TBCK: variants seen among roughly 807,000 people sequenced by gnomAD.
The protein encoded by TBCK is TBC1 domain containing kinase.
In TBCK, 99 loss-of-function variants were observed where a neutral mutation model predicts 113.4. The ratio of observed to expected loss-of-function variants is 0.87; its 90% CI spans 0.74 to 1.03. The LOEUF (loss-of-function observed/expected upper bound fraction) is 1.03. Among genes scored for constraint, TBCK ranks in the 50% least tolerant of loss-of-function variants. The pLI is 0.00. For missense variants in TBCK, 1,045 were observed against 1,061.3 expected (o/e 0.98, Z 0.21); for synonymous variants, 369 against 370.8 (o/e 1.00, Z 0.05).
intron 3 of TBCK, among the ~76,000 whole-genome samples, chr4:106,284,078 C>A (rs1050057300): frequency 6.6e-6 from 1 of 152,010 alleles, no homozygotes; most frequent in Admixed American, 6.6e-5. Context: ...GAGCATCTTT[C>A]GGTATTATTT....
chr4:106,180,824 T>G (rs1752273436), intron 22 of TBCK, among the ~76,000 whole-genome samples: 2 of 152,188 alleles, frequency 1.3e-5, no homozygotes, highest in Non-Finnish European at 2.9e-5. Flanking sequence ...CTATTGTGAA[T>G]AGTGCCACAA....
At chr4:106,084,188 G>A (rs1434343822) in intron 25 of TBCK, among the ~76,000 whole-genome samples, 1 of 152,124 alleles carries the variant, frequency 6.6e-6, no homozygotes, top group Non-Finnish European at 1.5e-5. Flanking sequence ...TAAGAAGACT[G>A]ATGAAAGGTT....
intron 3 of TBCK, among the ~76,000 whole-genome samples, chr4:106,280,991 T>C (rs1043873206): frequency 2.6e-5 from 4 of 152,136 alleles, no homozygotes; most frequent in Admixed American, 1.3e-4. Context: ...AGAGAATGCA[T>C]TGAATCTGTA....
At chr4:106,197,341 AGTGTGTGT>A (rs34095868) in intron 20 of TBCK, among the ~76,000 whole-genome samples, 6 of 142,260 alleles carry the variant, frequency 4.2e-5, no homozygotes, top group Admixed American at 1.4e-4. Context: ...ATTACTGAAG[AGTGTGTGT>A]GTGTGTGTGT....
At chr4:106,073,614 A>G (rs1388443118) in intron 25 of TBCK, among the ~76,000 whole-genome samples, 1 of 152,182 alleles carries the variant, frequency 6.6e-6, no homozygotes, top group Non-Finnish European at 1.5e-5. Flanking sequence ...CAGAGCTCAA[A>G]TACCATGCTG....
intron 3 of TBCK, among the ~76,000 whole-genome samples, chr4:106,274,308 G>T (rs1206406546): frequency 6.6e-6 from 1 of 152,084 alleles, no homozygotes; most frequent in Non-Finnish European, 1.5e-5. Context: ...GGTAAACATA[G>T]AATTACCATT....
chr4:106,226,033 G>A (rs1170747023), intron 19 of TBCK, among the ~76,000 whole-genome samples: 2 of 151,976 alleles, frequency 1.3e-5, no homozygotes, highest in Non-Finnish European at 2.9e-5. Flanking sequence ...ATGTGGTGAT[G>A]CATGCCTGTA....
At chr4:106,178,635 G>A (rs1751972461) in intron 22 of TBCK, among the ~76,000 whole-genome samples, 1 of 151,972 alleles carries the variant, frequency 6.6e-6, no homozygotes. Flanking sequence ...TGCATATGTT[G>A]AATCATCACT....
chr4:106,088,324 C>T (rs768647376), intron 25 of TBCK, among the ~76,000 whole-genome samples: 3 of 152,120 alleles, frequency 2.0e-5, no homozygotes, highest in South Asian at 2.1e-4. Flanking sequence ...CAAAAGAAGA[C>T]GTTTACACAG....
chr4:106,052,870 T>C lies in TBCK; in HGVS notation c.2572-6190A>G, dbSNP rs544027975. Among the ~76,000 whole-genome samples the C allele has an allele frequency of 4.0e-5, 6 of 151,888 alleles. No individual in the cohort carries two copies. The South Asian group carries it at 1.2e-3, about 31-fold the overall frequency. On this transcript the variant is annotated intron_variant, in intron 25 of 25. Transcript: ENST00000394708. Reference sequence around the variant, plus strand: ...TAAATTGTATCATTTATTCCTTCCATGCCCTCTTCCCACCTTTGTACTGTT... The same window carrying C: ...TAAATTGTATCATTTATTCCTTCCACGCCCTCTTCCCACCTTTGTACTGTT...
At chr4:106,303,005 T>C (rs888078743) in intron 2 of TBCK, among the ~76,000 whole-genome samples, 1 of 152,196 alleles carries the variant, frequency 6.6e-6, no homozygotes, top group Non-Finnish European at 1.5e-5. Context: ...TAGTCTACTA[T>C]TAGATATAGT....
chr4:106,253,312 C>A (rs886821445), intron 5 of TBCK, among the ~76,000 whole-genome samples: 5 of 152,106 alleles, frequency 3.3e-5, no homozygotes, highest in Non-Finnish European at 7.4e-5. Context: ...CCATTAAATT[C>A]TTATTTCTAT....
chr4:106,191,312 AC>A (rs908783736), intron 22 of TBCK, among the ~76,000 whole-genome samples: 1 of 152,204 alleles, frequency 6.6e-6, no homozygotes, highest in African/African-American at 2.4e-5. Context: ...CCGGGGGATG[AC>A]TGAACTTGTA....
At chr4:106,134,367 T>C (rs1746322658) in intron 23 of TBCK, among the ~76,000 whole-genome samples, 1 of 152,140 alleles carries the variant, frequency 6.6e-6, no homozygotes, top group African/African-American at 2.4e-5. Context: ...TGAATGTATG[T>C]ATAAAAGCAT....
chr4:106,219,933 G>A (rs1757476233), intron 19 of TBCK, among the ~76,000 whole-genome samples: 1 of 151,982 alleles, frequency 6.6e-6, no homozygotes, highest in African/African-American at 2.4e-5. Flanking sequence ...CGATTATTTG[G>A]TGAAAATAAT....
intron 19 of TBCK, among the ~76,000 whole-genome samples, chr4:106,213,941 G>A (rs956742276): frequency 9.2e-5 from 14 of 152,174 alleles, no homozygotes; most frequent in Admixed American, 9.2e-4. Flanking sequence ...AAAGACAGCA[G>A]TAACCTCTGC....
rs566382000 is a variant in TBCK at position 106,240,659 on chromosome 4, T to C, written c.1170+1811A>G. On this transcript the variant is annotated intron_variant, in intron 12 of 25. Coordinates refer to ENST00000394708, the MANE Select transcript of TBCK (RefSeq NM_001163435.3). ...ATTATTGATGTATATTTTAAACTCA[T>C]CTACTGGTATACTTAAGATCTATAC... is the stretch of plus-strand genomic sequence containing the variant. 3.9e-5 allele frequency among the ~76,000 whole-genome samples: 6 copies of C among 152,162 alleles called. 1 individual carries two copies. The highest frequency in any genetic ancestry group is 1.4e-4 in the African/African-American group (6 of 41,570).
At chr4:106,273,951 C>G (rs1168075270) in intron 3 of TBCK, among the ~76,000 whole-genome samples, 3 of 152,122 alleles carry the variant, frequency 2.0e-5, no homozygotes, top group Non-Finnish European at 4.4e-5. Flanking sequence ...TCGAAATAGC[C>G]CCCATCCTGA....
intron 22 of TBCK, among the ~76,000 whole-genome samples, chr4:106,189,663 T>C (rs545596571): frequency 1.5e-4 from 23 of 152,340 alleles, no homozygotes; most frequent in Middle Eastern, 3.4e-3. Flanking sequence ...CAGAAAGCTC[T>C]ACAAATATTA....
Sources: gnomAD v4.1 joint callset for allele counts (sites outside exome capture counted in the v4.1 genomes callset) on GRCh38, gnomAD v4.1.1 for gene constraint, MANE v1.5 for transcripts, NCBI Gene and HGNC (gene_info 2026-07-23, HGNC 2026-07-21) for gene names.